Variants in RCOR1 observed in about 807,000 individuals in gnomAD.
RCOR1 encodes REST corepressor 1.
In RCOR1, 12 loss-of-function variants were observed where a neutral mutation model predicts 64.0. The ratio of observed to expected loss-of-function variants is 0.19; its 90% CI spans 0.12 to 0.30. RCOR1 has a LOEUF of 0.30. Ranked by LOEUF, RCOR1 falls within the 10% of genes least tolerant of loss-of-function variation. The pLI, the probability that RCOR1 is intolerant of heterozygous loss-of-function variation, is 1.00. For missense variants in RCOR1, 502 were observed against 621.2 expected, an observed-to-expected ratio of 0.81 and a Z score of 2.04; for synonymous variants, 279 against 227.2, an observed-to-expected ratio of 1.23 and a Z score of -2.05.
intron 8 of RCOR1, among the ~76,000 whole-genome samples, chr14:102,719,521 T>C (rs1896135292): frequency 6.6e-6 from 1 of 152,190 alleles, no homozygotes; most frequent in Non-Finnish European, 1.5e-5. Flanking sequence ...GTCCTTGCGA[T>C]AGTTTGCTCA....
At chr14:102,683,011 A>T (rs1021682818) in intron 3 of RCOR1, among the ~76,000 whole-genome samples, 8 of 152,160 alleles carry the variant, frequency 5.3e-5, no homozygotes, top group African/African-American at 1.9e-4. Flanking sequence ...TGTATTAGTC[A>T]CTTTTCCTAT....
At chr14:102,612,699 T>C (rs952570392) in intron 2 of RCOR1, among the ~76,000 whole-genome samples, 1 of 151,834 alleles carries the variant, frequency 6.6e-6, no homozygotes, top group Admixed American at 6.6e-5. Flanking sequence ...AGAAATCTGC[T>C]TGCTGGTTAC....
chr14:102,718,699 T>C (rs540924539), intron 8 of RCOR1, among the ~76,000 whole-genome samples: 2 of 152,312 alleles, frequency 1.3e-5, no homozygotes, highest in Admixed American at 6.5e-5. Context: ...CCTATTTCAT[T>C]GCCACTCACT....
At chr14:102,656,186 C>A in intron 2 of RCOR1, 1 of 881,454 alleles carries the variant, frequency 1.1e-6, no homozygotes, top group Admixed American at 6.2e-5. Flanking sequence ...GTCGCCCAGA[C>A]TGGAGTGCAG....
intron 2 of RCOR1, among the ~76,000 whole-genome samples, chr14:102,616,496 C>T (rs1177769292): frequency 6.6e-6 from 1 of 152,038 alleles, no homozygotes; most frequent in Non-Finnish European, 1.5e-5. Flanking sequence ...GTCTTGAACT[C>T]CTGGGCTCAA....
intron 2 of RCOR1, chr14:102,656,117 C>T (rs1894718063): frequency 2.0e-6 from 2 of 984,116 alleles, no homozygotes; most frequent in Non-Finnish European, 2.4e-6. Context: ...TCTTTGAAAT[C>T]ACTTTGCTGA....
At chr14:102,632,493 C>T (rs1437017319) in intron 2 of RCOR1, among the ~76,000 whole-genome samples, 1 of 152,108 alleles carries the variant, frequency 6.6e-6, no homozygotes, top group East Asian at 1.9e-4. Flanking sequence ...GCGCGAGCCA[C>T]CGCGCCCGGC....
intron 3 of RCOR1, among the ~76,000 whole-genome samples, chr14:102,682,259 A>G (rs55768756): frequency 0.028 from 4,331 of 152,186 alleles, 208 homozygotes; most frequent in African/African-American, 0.1. Context: ...CCTCCTGAAT[A>G]GCTGGGATTA....
chr14:102,718,319 G>A (rs1896107499), intron 8 of RCOR1, among the ~76,000 whole-genome samples: 1 of 152,188 alleles, frequency 6.6e-6, no homozygotes, highest in African/African-American at 2.4e-5. Flanking sequence ...GTCCCTTTTA[G>A]CAGGACAAGC....
At chr14:102,620,796 A>C (rs1893857509) in intron 2 of RCOR1, among the ~76,000 whole-genome samples, 1 of 152,030 alleles carries the variant, frequency 6.6e-6, no homozygotes. Context: ...CTTAGAGTAA[A>C]AGTGAAAGCC....
intron 3 of RCOR1, among the ~76,000 whole-genome samples, chr14:102,699,714 C>A (rs1050721036): frequency 6.6e-6 from 1 of 151,404 alleles, no homozygotes; most frequent in Non-Finnish European, 1.5e-5. Context: ...AGGGGCTAGT[C>A]AGGATTTTAC....
At chr14:102,699,465 G>A (rs1196642958) in intron 3 of RCOR1, among the ~76,000 whole-genome samples, 1 of 152,194 alleles carries the variant, frequency 6.6e-6, no homozygotes, top group Non-Finnish European at 1.5e-5. Context: ...TTCTATAAGA[G>A]TTGGAATTCT....
intron 2 of RCOR1, among the ~76,000 whole-genome samples, chr14:102,637,756 C>T (rs574369530): frequency 3.0e-4 from 46 of 152,152 alleles, no homozygotes; most frequent in African/African-American, 1.0e-3. Context: ...GGCTGCAAAG[C>T]GATTTTTTTT....
chr14:102,609,352 C>T (rs1209151595), intron 2 of RCOR1, among the ~76,000 whole-genome samples: 1 of 151,688 alleles, frequency 6.6e-6, no homozygotes, highest in African/African-American at 2.4e-5. Context: ...CTGTGCTTAA[C>T]TTTTTGAGGA....
At chr14:102,624,869 C>T (rs1348605746) in intron 2 of RCOR1, among the ~76,000 whole-genome samples, 3 of 151,988 alleles carry the variant, frequency 2.0e-5, no homozygotes, top group Non-Finnish European at 4.4e-5. Flanking sequence ...AGCCCAATAC[C>T]TACACTTCCC....
chr14:102,657,847 A>G (rs1894757585), intron 2 of RCOR1: 1 of 983,654 alleles, frequency 1.0e-6, no homozygotes, highest in Non-Finnish European at 1.2e-6. Flanking sequence ...CAAAAAAAAA[A>G]AAAAAAAAAA....
At chr14:102,721,286 G>A in intron 9 of RCOR1, 34 bp from the exon 10 acceptor site, 1 of 1,581,340 alleles carries the variant, frequency 6.3e-7, no homozygotes, top group South Asian at 1.1e-5. Context: ...ATCTCTAAAT[G>A]TAATGTGCTA....
chr14:102,619,201 A>G (rs1357599209), intron 2 of RCOR1, among the ~76,000 whole-genome samples: 1 of 152,048 alleles, frequency 6.6e-6, no homozygotes, highest in African/African-American at 2.4e-5. Context: ...GGTTCATTGC[A>G]ACCTCCGCCT....
At chr14:102,682,855 A>G (rs1412054401) in intron 3 of RCOR1, among the ~76,000 whole-genome samples, 1 of 152,214 alleles carries the variant, frequency 6.6e-6, no homozygotes, top group Non-Finnish European at 1.5e-5. Flanking sequence ...CCCATAGTTC[A>G]AAGAGTCAGA....
Sources: gnomAD v4.1 joint callset for allele counts (sites outside exome capture counted in the v4.1 genomes callset) on GRCh38, gnomAD v4.1.1 for gene constraint, MANE v1.5 for transcripts, NCBI Gene and HGNC (gene_info 2026-07-23, HGNC 2026-07-21) for gene names.